The following PMEL variants were observed in gnomAD, a reference collection of about 807,000 sequenced individuals.
PMEL encodes melanocyte protein PMEL.
PMEL carries 53 observed loss-of-function variants against 64.9 expected under a neutral mutation model. The observed-to-expected ratio is 0.82, with a 90% CI of 0.66 to 1.03. The LOEUF (loss-of-function observed/expected upper bound fraction) is 1.03, where lower values mean the gene tolerates loss of function less well. Among genes scored for constraint, PMEL ranks in the 50% least tolerant of loss-of-function variants. The pLI, the probability that PMEL is intolerant of heterozygous loss-of-function variation, is 0.00. For missense variants in PMEL, 716 were observed against 814.9 expected, an observed-to-expected ratio of 0.88 and a Z score of 1.48; for synonymous variants, 299 against 316.2, an observed-to-expected ratio of 0.95 and a Z score of 0.58.
At chr12:55,960,547 T>G (rs1028832532) in intron 3 of PMEL, among the ~76,000 whole-genome samples, 5 of 140,616 alleles carry the variant, frequency 3.6e-5, no homozygotes, top group Admixed American at 6.9e-5. Context: ...GTTTTTTTTT[T>G]TTTTTTTTTT....
At chr12:55,954,412 C>G (rs1259264353) in intron 10 of PMEL, 63 bp from the exon 11 acceptor site, 2 of 1,569,414 alleles carry the variant, frequency 1.3e-6, no homozygotes, top group Non-Finnish European at 1.8e-6. Flanking sequence ...CTGTGCTTCT[C>G]CAAAGAAGGG....
Position 55,958,819 on chromosome 12 carries a change from A to G in PMEL, c.335-212T>C, listed in dbSNP as rs1888996214. 5.7e-6 allele frequency: 3 copies of G among 529,716 alleles called. No individual in the cohort carries two copies. The South Asian group carries it at 6.8e-5, about 12-fold the overall frequency. The allele number at this position is 529,716 out of a possible 1,614,324, so 32.8% of individuals were successfully genotyped here. A position where few individuals can be genotyped will look rare whatever the true frequency, so the allele number is the denominator to read the frequency against. ...TTTTTAGAGACAGGGTCTTAGTCTGATGCCCAGGCTGGAGTGCAGTGGTGT... is the reference window on the plus strand; with the variant it reads ...TTTTTAGAGACAGGGTCTTAGTCTGGTGCCCAGGCTGGAGTGCAGTGGTGT... On this transcript the variant is annotated intron_variant, in intron 3 of 10. Transcript: ENST00000548747.
chr12:55,960,963 GGAGGCC>G (rs1410807998), intron 3 of PMEL, among the ~76,000 whole-genome samples: 2 of 151,122 alleles, frequency 1.3e-5, no homozygotes, highest in African/African-American at 4.9e-5. Flanking sequence ...CAGAACTTTG[GGAGGCC>G]GAGGCGGGCG....
At chr12:55,962,516 CTTTTTTTTT>C (rs1161956723) in intron 1 of PMEL, among the ~76,000 whole-genome samples, 2 of 73,166 alleles carry the variant, frequency 2.7e-5, no homozygotes, top group African/African-American at 5.4e-5. Context: ...TATTATTACT[CTTTTTTTTT>C]TTTTTTTTTT....
At position 55,957,591 on chromosome 12, in the gene PMEL, G is replaced by A. The variant is rs779993487; in HGVS notation, c.712C>T (p.Leu238=). 3.7e-6 allele frequency: 6 copies of A among 1,613,848 alleles called. No homozygotes were observed. In the South Asian group the frequency reaches 4.4e-5, roughly 12 times the overall value. ...TCATGGAGCTGGAGGGCAAAGGTCA[G>A]AGGCTGATTTCTCAGGAAGTGCTTG... ...GNKHFLRNQP[L]TFALQLHDPS... Residue 238 remains leucine (L), a synonymous_variant, in exon 6 of 11, where the codon CTG becomes TTG. Coordinates refer to ENST00000548747, the MANE Select transcript of PMEL (RefSeq NM_001384361.1).
intron 1 of PMEL, among the ~76,000 whole-genome samples, chr12:55,964,149 AT>A (rs61298793): frequency 0.018 from 2,379 of 135,524 alleles, 42 homozygotes; most frequent in East Asian, 0.048. Flanking sequence ...AGCCTGGCTA[AT>A]TTTTTTTTTT....
rs1017588681 is a variant in PMEL at position 55,957,648 on chromosome 12, C to T, written c.655G>A (p.Val219Met). 13 of 1,611,514 alleles carry T rather than the reference C, an allele frequency of 8.1e-6. No homozygotes were observed. The highest frequency in any genetic ancestry group is 4.0e-5 in the African/African-American group (3 of 74,534). Residue 219 changes from valine to methionine, a missense_variant, in exon 6 of 11, where the codon GTG becomes ATG. Coordinates refer to ENST00000548747, the MANE Select transcript of PMEL (RefSeq NM_001384361.1). Reference sequence around the variant, plus strand: ...CCATCCAAGGCCCGCAACTGGGACACGCTCACGGAGAAAGGCACCTGGTCT... The same window carrying T: ...CCATCCAAGGCCCGCAACTGGGACATGCTCACGGAGAAAGGCACCTGGTCT... ...ITDQVPFSVS[V>M]SQLRALDGGN...
intron 1 of PMEL, among the ~76,000 whole-genome samples, chr12:55,964,931 T>TC (rs915336164): frequency 3.4e-5 from 5 of 147,022 alleles, no homozygotes; most frequent in Non-Finnish European, 3.0e-5. Context: ...CCCCTTTCTT[T>TC]TTTTTTTTTT....
chr12:55,957,295 TGTA>T lies in PMEL; in HGVS notation c.1005_1007del (p.Thr336del). On this transcript the variant is annotated inframe_deletion, in exon 6 of 11. Coordinates refer to ENST00000548747, the MANE Select transcript of PMEL (RefSeq NM_001384361.1). ...GCTCTGCAGTTGGCGCCTGACCAGG[TGTA>T]GTACCCACAACTTCTGTAGTAGGCA... 1.2e-6 allele frequency: 2 copies of T among 1,610,574 alleles called. No individual in the cohort carries two copies. The highest frequency in any genetic ancestry group is 1.7e-5 in the Admixed American group (1 of 59,824).
intron 1 of PMEL, 68 bp from the exon 2 acceptor site, chr12:55,961,800 C>A: frequency 8.9e-6 from 8 of 900,066 alleles, no homozygotes; most frequent in South Asian, 1.4e-5. Context: ...ACACTCTATT[C>A]ATGTCACTCC....
In PMEL at chr12:55,965,934, A is replaced by G; in HGVS notation, c.76+2T>C. On this transcript the variant is annotated splice_donor_variant, in intron 1 of 10. Coordinates refer to ENST00000548747, the MANE Select transcript of PMEL (RefSeq NM_001384361.1). LOFTEE classifies it high-confidence loss of function. ...TGCTCATGTCCACATATCCACACAT[A>G]CCTTTTGTAGCCCCCACAGCCAGCA... 1 of 1,614,088 alleles carries G rather than the reference A, an allele frequency of 6.2e-7. No individual in the cohort carries two copies. The highest frequency in any genetic ancestry group is 1.3e-5 in the African/African-American group (1 of 74,996).
chr12:55,966,046 G>A, upstream of PMEL: 1 of 1,614,220 alleles, frequency 6.2e-7, no homozygotes, highest in Non-Finnish European at 8.5e-7. Flanking sequence ...AGGCACTGGG[G>A]GGACTGGGAT....
At chr12:55,958,795 T>A in intron 3 of PMEL, 188 bp from the exon 4 acceptor site, 1 of 590,976 alleles carries the variant, frequency 1.7e-6, no homozygotes, top group Non-Finnish European at 2.9e-6. Context: ...TACATTTTTT[T>A]TTTAGAGACA....
chr12:55,959,040 G>A (rs1028169030), intron 3 of PMEL, among the ~76,000 whole-genome samples: 4 of 150,116 alleles, frequency 2.7e-5, no homozygotes, highest in East Asian at 2.1e-4. Context: ...TCAGCCTCCC[G>A]AAGTGCTGGG....
intron 1 of PMEL, among the ~76,000 whole-genome samples, chr12:55,964,149 A>ATTTTT (rs61298793): frequency 2.2e-5 from 3 of 135,548 alleles, no homozygotes; most frequent in East Asian, 4.2e-4. Flanking sequence ...AGCCTGGCTA[A>ATTTTT]TTTTTTTTTT....
chr12:55,957,813 C>T (rs1888950055), intron 5 of PMEL, 110 bp downstream of exon 5: 1 of 1,514,290 alleles, frequency 6.6e-7, no homozygotes, highest in Admixed American at 1.8e-5. Flanking sequence ...TCTTCCTGGC[C>T]CTTCTACTTT....
In PMEL at chr12:55,957,417, T is replaced by C; in HGVS notation, c.886A>G (p.Ile296Val). Residue 296 changes from isoleucine (I) to valine (V), a missense_variant, in exon 6 of 11, where the codon ATT (isoleucine) becomes GTT (valine). Ile to Val is a conservative substitution (Grantham distance 29). Coordinates refer to ENST00000548747, the MANE Select transcript of PMEL (RefSeq NM_001384361.1). Reference protein sequence around the residue: ...VTAQVVLQAAIPLTSCGSSPV... With the variant: ...VTAQVVLQAAVPLTSCGSSPV... ...GAGGAGCCACAGGAGGTGAGAGGAA[T>C]GGCAGCCTGCAGGACCACCTGGGCA... 1 of 1,607,572 alleles carries C rather than the reference T, an allele frequency of 6.2e-7. No individual in the cohort carries two copies. The highest frequency in any genetic ancestry group is 1.7e-4 in the Middle Eastern group (1 of 6,032).
At chr12:55,961,543 T>TAC in intron 2 of PMEL, 79 bp downstream of exon 2, 1 of 1,596,574 alleles carries the variant, frequency 6.3e-7, no homozygotes, top group Non-Finnish European at 8.6e-7. Flanking sequence ...CTTCCCAAGC[T>TAC]ACACTCGATG....
Position 55,957,221 on chromosome 12 carries a change from G to A in PMEL, c.1082C>T (p.Thr361Ile). The change falls in exon 6 of 11, where the codon ACT becomes ATT. Residue 361 changes from threonine (T) to isoleucine (I), a missense_variant. Transcript: ENST00000548747. ...VQVPTTEVIS[T>I]APVQMPTAES... ...TGCAGTTGGCATCTGCACAGGTGCAGTGCTTATGACTTCAGTGGTTGGCAC... is the reference window on the plus strand; with the variant it reads ...TGCAGTTGGCATCTGCACAGGTGCAATGCTTATGACTTCAGTGGTTGGCAC... The A allele has an allele frequency of 6.2e-7, 1 of 1,614,224 alleles. No individual in the cohort carries two copies. The highest frequency in any genetic ancestry group is 8.5e-7 in the Non-Finnish European group (1 of 1,180,054).
Sources: gnomAD v4.1 joint callset for allele counts (sites outside exome capture counted in the v4.1 genomes callset) on GRCh38, gnomAD v4.1.1 for gene constraint, MANE v1.5 for transcripts, NCBI Gene and HGNC (gene_info 2026-07-23, HGNC 2026-07-21) for gene names.